Variants in PSMD5 observed in about 807,000 individuals in gnomAD.
PSMD5 encodes the protein 26S proteasome non-ATPase regulatory subunit 5.
PSMD5 carries 40 observed loss-of-function variants against 52.1 expected under a neutral mutation model. The ratio of observed to expected loss-of-function variants is 0.77; its 90% CI spans 0.60 to 1.00. PSMD5 has a LOEUF of 1.00. Ranked by LOEUF, PSMD5 falls within the 50% of genes least tolerant of loss-of-function variation. The pLI, the probability that PSMD5 is intolerant of heterozygous loss-of-function variation, is 0.00. For synonymous variants in PSMD5, 211 were observed against 226.6 expected (o/e 0.93, Z 0.62); for missense variants, 575 against 605.2 (o/e 0.95, Z 0.52).
chr9:120,835,891 G>A (rs141551833), intron 1 of PSMD5, among the ~76,000 whole-genome samples: 4 of 151,682 alleles, frequency 2.6e-5, no homozygotes, highest in Non-Finnish European at 5.9e-5. Context: ...ACTCTTAAAC[G>A]CACAGTTCTG....
chr9:120,838,196 G>A (rs2045211088), intron 1 of PSMD5, among the ~76,000 whole-genome samples: 1 of 152,106 alleles, frequency 6.6e-6, no homozygotes, highest in Non-Finnish European at 1.5e-5. Context: ...TTGTGGCGAT[G>A]GTTTCATGGG....
intron 1 of PSMD5, among the ~76,000 whole-genome samples, chr9:120,839,623 C>T (rs1222909138): frequency 6.6e-6 from 1 of 152,162 alleles, no homozygotes; most frequent in Non-Finnish European, 1.5e-5. Flanking sequence ...GCTCTGAAAT[C>T]ATCCACTGTT....
At chr9:120,819,835 C>CA (rs112375425) in intron 9 of PSMD5, among the ~76,000 whole-genome samples, 46 of 144,818 alleles carry the variant, frequency 3.2e-4, no homozygotes, top group East Asian at 8.0e-4. Flanking sequence ...GACTCTGTCT[C>CA]AAAAAAAAAA....
chr9:120,821,323 C>T (rs781158721), intron 8 of PSMD5, 32 bp downstream of exon 8: 2 of 1,346,468 alleles, frequency 1.5e-6, no homozygotes, highest in Non-Finnish European at 2.1e-6. Flanking sequence ...AAACATATCC[C>T]ACTGTCCTTC....
At chr9:120,825,877 CTTCT>C (rs1385951066) in intron 6 of PSMD5, among the ~76,000 whole-genome samples, 1 of 151,886 alleles carries the variant, frequency 6.6e-6, no homozygotes, top group Non-Finnish European at 1.5e-5. Context: ...GAAATTTTCA[CTTCT>C]TTCTTTCCGA....
At position 120,818,147 on chromosome 9, in the gene PSMD5, G is replaced by A; in HGVS notation, c.1274C>T (p.Pro425Leu). 6.2e-7 allele frequency: 1 copy of A among 1,613,068 alleles called. No homozygotes were observed. The highest frequency in any genetic ancestry group is 1.1e-5 in the South Asian group (1 of 91,016). Residue 425 changes from proline (P) to leucine (L), a missense_variant, in exon 10 of 10, where the codon CCC becomes CTC. Physicochemically the swap from Pro to Leu is moderately conservative, Grantham distance 98. Transcript: ENST00000210313. ...LKVFTAIANQPWAQKLMFNSP... is the reference protein window; with the variant it reads ...LKVFTAIANQLWAQKLMFNSP... Reference sequence around the variant, plus strand: ...GTTAAACATAAGTTTCTGAGCCCAGGGTTGGTTTGCAATGGCCTGAAATGG... The same window carrying A: ...GTTAAACATAAGTTTCTGAGCCCAGAGTTGGTTTGCAATGGCCTGAAATGG...
chr9:120,828,755 T>C (rs1173898146), intron 5 of PSMD5, among the ~76,000 whole-genome samples: 1 of 152,214 alleles, frequency 6.6e-6, no homozygotes, highest in Non-Finnish European at 1.5e-5. Flanking sequence ...CATGCCATAG[T>C]GTTGCTATTT....
intron 7 of PSMD5, among the ~76,000 whole-genome samples, chr9:120,822,117 T>G (rs568166190): frequency 2.5e-4 from 37 of 150,908 alleles, no homozygotes; most frequent in Middle Eastern, 3.4e-3. Flanking sequence ...ATTTTATGGG[T>G]TTTTTTTTAA....
intron 9 of PSMD5, 83 bp downstream of exon 9, chr9:120,820,756 T>A: frequency 7.5e-7 from 1 of 1,341,502 alleles, no homozygotes; most frequent in Non-Finnish European, 9.9e-7. Flanking sequence ...TCCCCAGAGA[T>A]GGCACAGGCT....
chr9:120,828,196 C>T (rs1448053997), intron 5 of PSMD5, among the ~76,000 whole-genome samples: 1 of 152,128 alleles, frequency 6.6e-6, no homozygotes, highest in Non-Finnish European at 1.5e-5. Context: ...GACAGGGTTT[C>T]ACCGTATTGG....
At chr9:120,839,310 G>C (rs1403055300) in intron 1 of PSMD5, among the ~76,000 whole-genome samples, 2 of 152,196 alleles carry the variant, frequency 1.3e-5, no homozygotes, top group African/African-American at 4.8e-5. Flanking sequence ...ACTCACTACA[G>C]GCAATGGGAA....
chr9:120,822,100 A>G (rs1220343954), intron 7 of PSMD5, among the ~76,000 whole-genome samples: 1 of 152,064 alleles, frequency 6.6e-6, no homozygotes, highest in Non-Finnish European at 1.5e-5. Flanking sequence ...ACATCCTAAC[A>G]CTTATTATTT....
chr9:120,821,044 A>G (rs773478619), intron 8 of PSMD5, 65 bp from the exon 9 acceptor site: 15 of 1,483,592 alleles, frequency 1.0e-5, no homozygotes, highest in Non-Finnish European at 1.4e-5. Flanking sequence ...ACTTATTTAG[A>G]AGTCAGACAC....
chr9:120,837,834 C>T (rs1189554691), intron 1 of PSMD5, among the ~76,000 whole-genome samples: 2 of 152,178 alleles, frequency 1.3e-5, no homozygotes, highest in African/African-American at 4.8e-5. Flanking sequence ...GTAATATCTC[C>T]AAACAGAAAA....
rs1280440799 is a variant in PSMD5, at chr9:120,818,008, T to TTCTG, written c.1409_1412dup (p.Glu471AspfsTer18). On this transcript the variant is annotated frameshift_variant, in exon 10 of 10. Transcript: ENST00000210313. LOFTEE classifies it high-confidence loss of function. ...TCAAATAATTTGGGTTCCCAAAGAT[T>TTCTG]TCTGCAATTGTCTTGGAATTGGCAA... is the stretch of plus-strand genomic sequence containing the variant. 6.2e-7 allele frequency: 1 copy of TTCTG among 1,614,222 alleles called. No individual in the cohort carries two copies. The highest frequency in any genetic ancestry group is 1.7e-5 in the Admixed American group (1 of 60,028).
intron 2 of PSMD5, 116 bp downstream of exon 2, chr9:120,833,196 G>T (rs550352383): frequency 1.6e-6 from 2 of 1,213,110 alleles, no homozygotes; most frequent in East Asian, 2.4e-5. Flanking sequence ...GAGGAGAGGG[G>T]GAGAAGGAAG....
At chr9:120,821,945 T>C (rs779568283) in intron 7 of PSMD5, among the ~76,000 whole-genome samples, 11 of 152,254 alleles carry the variant, frequency 7.2e-5, no homozygotes, top group Non-Finnish European at 1.6e-4. Context: ...TGCACCTTTT[T>C]TTGGTTATTG....
At chr9:120,841,380 C>A (rs915261582) in intron 1 of PSMD5, among the ~76,000 whole-genome samples, 1 of 151,992 alleles carries the variant, frequency 6.6e-6, no homozygotes, top group African/African-American at 2.4e-5. Flanking sequence ...TAGATCGAGA[C>A]CATCCTGGCT....
In PSMD5 at chr9:120,833,316, G is replaced by C. The variant is rs746491218; in HGVS notation, c.314C>G (p.Ser105Cys). Reference sequence around the variant, plus strand: ...GTTCCTAGTAGAATTTCATACCTGGGAAAGAGTGAGGATTTTTACAGAATC... The same window carrying C: ...GTTCCTAGTAGAATTTCATACCTGGCAAAGAGTGAGGATTTTTACAGAATC... ...PDDSVKILTL[S>C]QIGRIVENSD... Residue 105 changes from serine to cysteine, a missense_variant, in exon 2 of 10, where the codon TCC becomes TGC. Physicochemically the swap from Ser to Cys is moderately radical, Grantham distance 112 (BLOSUM62 -1). Transcript: ENST00000210313. 4 of 1,613,902 alleles carry C rather than the reference G, an allele frequency of 2.5e-6. No individual in the cohort carries two copies. In the Admixed American group the frequency reaches 6.7e-5, roughly 27 times the overall value.
Sources: gnomAD v4.1 joint callset for allele counts (sites outside exome capture counted in the v4.1 genomes callset) on GRCh38, gnomAD v4.1.1 for gene constraint, MANE v1.5 for transcripts, NCBI Gene and HGNC (gene_info 2026-07-23, HGNC 2026-07-21) for gene names.